HMCN1: variants seen among roughly 807,000 people sequenced by gnomAD.
HMCN1 encodes the protein hemicentin 1.
Under a neutral mutation model 625.9 loss-of-function variants are expected in HMCN1, and 321 were observed. That is an observed-to-expected ratio of 0.51 (90% CI 0.47 to 0.56). The LOEUF (loss-of-function observed/expected upper bound fraction) is 0.56. HMCN1 is among the 20% of genes least tolerant of loss of function. HMCN1 has a pLI of 0.00. For missense variants in HMCN1, 6,588 were observed against 6,887.3 expected (o/e 0.96, Z 1.54); for synonymous variants, 2,425 against 2,417.6 (o/e 1.00, Z -0.09).
chr1:186,001,551 T>C (rs1053569602), intron 27 of HMCN1, 43 bp from the exon 28 acceptor site: 3 of 1,610,492 alleles, frequency 1.9e-6, no homozygotes, highest in Non-Finnish European at 2.5e-6. Context: ...TTATGCATTT[T>C]TATTAGGATT....
chr1:185,763,355 A>G (rs1655641411), intron 1 of HMCN1, among the ~76,000 whole-genome samples: 1 of 152,188 alleles, frequency 6.6e-6, no homozygotes, highest in African/African-American at 2.4e-5. Flanking sequence ...ACAAAGGCAG[A>G]TTTCAAAAAT....
intron 4 of HMCN1, among the ~76,000 whole-genome samples, chr1:185,899,905 A>G (rs1665703732): frequency 1.3e-5 from 2 of 152,078 alleles, no homozygotes; most frequent in African/African-American, 2.4e-5. Context: ...TTTACAGGCC[A>G]TACATCTGTC....
chr1:186,127,930 C>A, intron 82 of HMCN1, 148 bp from the exon 83 acceptor site: 1 of 703,708 alleles, frequency 1.4e-6, no homozygotes, highest in Non-Finnish European at 2.5e-6. Context: ...TATGCAAAAG[C>A]TAACCTGATG....
At position 185,928,755 on chromosome 1, in the gene HMCN1, A is replaced by T. The variant is rs566733380; in HGVS notation, c.1552+88A>T. ...TTGTTAACCAGTTTGTGTTTATACA[A>T]TTGTCTTTGCGATTATTTTATTATT... On this transcript the variant is annotated intron_variant, in intron 10 of 106. Transcript: ENST00000271588. The T allele has an allele frequency of 2.5e-4, 338 of 1,356,076 alleles. 1 individual carries two copies. The African/African-American group carries it at 4.0e-3, about 16-fold the overall frequency. The allele number at this position is 1,356,076 out of a possible 1,614,324, so 84.0% of individuals were successfully genotyped here.
rs755061769 is a variant in HMCN1 at position 186,130,012 on chromosome 1, A to T, written c.12951A>T (p.Arg4317Ser). Reference sequence around the variant, plus strand: ...GACACAGTGAACTTGTTATTGAAAGAGTGTCAAAAGAGGATTCAGGTACTT... The same window carrying T: ...GACACAGTGAACTTGTTATTGAAAGTGTGTCAAAAGAGGATTCAGGTACTT... ...VNGHSELVIERVSKEDSGTYV... is the reference protein window; with the variant it reads ...VNGHSELVIESVSKEDSGTYV... Residue 4317 changes from arginine (R) to serine (S), a missense_variant, in exon 84 of 107, where the codon AGA (arginine) becomes AGT (serine). Around this residue, in one of 3 missense-constraint regions of HMCN1, gnomAD observed 1,954 missense variants for 2,013.1 expected, o/e 0.97. Transcript: ENST00000271588. The T allele has an allele frequency of 2.5e-6, 4 of 1,613,124 alleles. No individual in the cohort carries two copies. The African/African-American group carries it at 5.3e-5, about 22-fold the overall frequency.
intron 81 of HMCN1, among the ~76,000 whole-genome samples, chr1:186,123,853 A>T (rs1370000165): frequency 6.6e-6 from 1 of 152,132 alleles, no homozygotes; most frequent in East Asian, 1.9e-4. Flanking sequence ...AATTATTATA[A>T]TGAGGAGTTT....
intron 97 of HMCN1, among the ~76,000 whole-genome samples, chr1:186,164,647 T>C (rs55746760): frequency 6.6e-6 from 1 of 152,136 alleles, no homozygotes; most frequent in African/African-American, 2.4e-5. Flanking sequence ...AAATGCTCAA[T>C]AGTGCTAATG....
intron 80 of HMCN1, among the ~76,000 whole-genome samples, chr1:186,121,824 G>C (rs1661412808): frequency 6.6e-6 from 1 of 152,158 alleles, no homozygotes; most frequent in African/African-American, 2.4e-5. Context: ...CAAGGACAAA[G>C]TCCTGGGGCT....
intron 50 of HMCN1, among the ~76,000 whole-genome samples, chr1:186,069,359 C>G: frequency 6.6e-6 from 1 of 152,066 alleles, no homozygotes; most frequent in East Asian, 1.9e-4. Flanking sequence ...AGGCAGAAAC[C>G]TATTTATGAA....
chr1:185,957,304 G>A (rs1649697841), intron 11 of HMCN1, among the ~76,000 whole-genome samples: 1 of 152,130 alleles, frequency 6.6e-6, no homozygotes. Flanking sequence ...AACAAAATGT[G>A]AGTGAGTTTT....
At chr1:185,973,077 A>G (rs1186158251) in intron 15 of HMCN1, among the ~76,000 whole-genome samples, 3 of 152,140 alleles carry the variant, frequency 2.0e-5, no homozygotes, top group Non-Finnish European at 4.4e-5. Context: ...CTGACAGAGA[A>G]TGGGTTTTCT....
chr1:186,067,131 G>A (rs1353168357), intron 49 of HMCN1, among the ~76,000 whole-genome samples: 1 of 152,044 alleles, frequency 6.6e-6, no homozygotes, highest in Non-Finnish European at 1.5e-5. Context: ...TCCCAAGCAA[G>A]CAAACTGGAA....
intron 36 of HMCN1, among the ~76,000 whole-genome samples, chr1:186,027,036 C>G (rs1032259693): frequency 6.6e-6 from 1 of 152,114 alleles, no homozygotes; most frequent in Non-Finnish European, 1.5e-5. Flanking sequence ...CTAAAATATT[C>G]AGTGTTTCAA....
chr1:186,151,539 T>C (rs1014353538), intron 94 of HMCN1, 67 bp from the exon 95 acceptor site: 85 of 1,460,762 alleles, frequency 5.8e-5, no homozygotes, highest in East Asian at 2.7e-4. Flanking sequence ...GTGAATAATA[T>C]GCTATGAAGA....
chr1:185,818,642 A>G (rs1357740250), intron 1 of HMCN1, among the ~76,000 whole-genome samples: 1 of 152,124 alleles, frequency 6.6e-6, no homozygotes, highest in African/African-American at 2.4e-5. Context: ...CAGTGATTTC[A>G]CATTATTGAC....
intron 1 of HMCN1, among the ~76,000 whole-genome samples, chr1:185,739,598 C>T (rs2102065517): frequency 6.6e-6 from 1 of 152,178 alleles, no homozygotes; most frequent in South Asian, 2.1e-4. Flanking sequence ...CACTTTCTTC[C>T]CAGGATATCT....
intron 1 of HMCN1, among the ~76,000 whole-genome samples, chr1:185,814,632 TAGG>T (rs1484347266): frequency 7.1e-6 from 1 of 140,244 alleles, no homozygotes; most frequent in African/African-American, 3.3e-5. Flanking sequence ...TATTGTTTCT[TAGG>T]AGGTTATCTT....
chr1:185,898,281 T>G (rs1665599611), intron 4 of HMCN1, among the ~76,000 whole-genome samples: 1 of 152,086 alleles, frequency 6.6e-6, no homozygotes, highest in South Asian at 2.1e-4. Flanking sequence ...GGCAATAGAT[T>G]CACTAAGGTT....
chr1:185,864,159 AAAGT>A (rs1369491825), intron 2 of HMCN1, among the ~76,000 whole-genome samples: 1 of 152,240 alleles, frequency 6.6e-6, no homozygotes, highest in Non-Finnish European at 1.5e-5. Context: ...AGAATGAGAA[AAAGT>A]AAGAGAAGAG....
Sources: allele counts gnomAD v4.1 joint callset (sites outside exome capture counted in the v4.1 genomes callset), GRCh38; gene constraint gnomAD v4.1.1; regional missense constraint gnomAD v4.1.1; transcripts MANE v1.5; gene names NCBI Gene and HGNC (gene_info 2026-07-23, HGNC 2026-07-21).